NEDD4L: variants seen among roughly 807,000 people sequenced by gnomAD.
The protein encoded by NEDD4L is E3 ubiquitin-protein ligase NEDD4-like.
In NEDD4L, 54 loss-of-function variants were observed where a neutral mutation model predicts 148.9. The ratio of observed to expected loss-of-function variants is 0.36; its 90% CI spans 0.29 to 0.45. NEDD4L has a LOEUF of 0.45. NEDD4L is among the 20% of genes least tolerant of loss of function. The probability of loss-of-function intolerance (pLI) is 1.00; values close to 1 mark genes in which losing one functional copy is unlikely to be tolerated. For missense variants in NEDD4L, 856 were observed against 1,233.8 expected, an observed-to-expected ratio of 0.69 and a Z score of 4.59; for synonymous variants, 433 against 440.7, an observed-to-expected ratio of 0.98 and a Z score of 0.22.
At chr18:58,365,575 C>T (rs1028128668) in intron 20 of NEDD4L, among the ~76,000 whole-genome samples, 3 of 152,196 alleles carry the variant, frequency 2.0e-5, no homozygotes. Flanking sequence ...CACCTGGCGG[C>T]CCTGCCACAG....
intron 16 of NEDD4L, 46 bp from the exon 17 acceptor site, chr18:58,349,491 A>G: frequency 6.6e-7 from 1 of 1,515,408 alleles, no homozygotes; most frequent in Middle Eastern, 1.7e-4. Context: ...AACTGCACAC[A>G]GATACTTCCA....
intron 1 of NEDD4L, among the ~76,000 whole-genome samples, chr18:58,133,511 T>C (rs2146002281): frequency 6.6e-6 from 1 of 152,362 alleles, no homozygotes; most frequent in East Asian, 1.9e-4. Flanking sequence ...AGATAATATG[T>C]TCTTTGCATT....
At chr18:58,152,278 C>G (rs1173607620) in intron 1 of NEDD4L, among the ~76,000 whole-genome samples, 1 of 152,184 alleles carries the variant, frequency 6.6e-6, no homozygotes, top group Non-Finnish European at 1.5e-5. Flanking sequence ...GAGAGCAACA[C>G]TCAGGACCTG....
intron 9 of NEDD4L, among the ~76,000 whole-genome samples, chr18:58,326,977 G>A (rs2059364557): frequency 6.6e-6 from 1 of 152,160 alleles, no homozygotes; most frequent in Admixed American, 6.5e-5. Context: ...GCTTTTTAAT[G>A]TGTTGATTAG....
chr18:58,247,011 C>T (rs1402609181), intron 3 of NEDD4L, among the ~76,000 whole-genome samples: 1 of 151,998 alleles, frequency 6.6e-6, no homozygotes, highest in Non-Finnish European at 1.5e-5. Flanking sequence ...TGCACTCCAG[C>T]CTGGGTGACA....
intron 9 of NEDD4L, among the ~76,000 whole-genome samples, chr18:58,327,544 C>T (rs1009467674): frequency 7.2e-5 from 11 of 152,160 alleles, no homozygotes; most frequent in Admixed American, 2.6e-4. Flanking sequence ...ACCTGAGGAG[C>T]GCCTCCTTCC....
chr18:58,083,469 C>T (rs137898764), intron 1 of NEDD4L, among the ~76,000 whole-genome samples: 6,315 of 152,172 alleles, frequency 0.041, 422 homozygotes, highest in African/African-American at 0.14. Flanking sequence ...GGGTGGATCA[C>T]GAGGTCAGGA....
intron 5 of NEDD4L, among the ~76,000 whole-genome samples, chr18:58,310,245 T>A (rs1039081285): frequency 6.6e-6 from 1 of 152,154 alleles, no homozygotes; most frequent in African/African-American, 2.4e-5. Context: ...GGAGGTCCTG[T>A]TTGTTGTTAT....
At chr18:58,299,902 T>A (rs2056231390) in intron 5 of NEDD4L, among the ~76,000 whole-genome samples, 1 of 152,246 alleles carries the variant, frequency 6.6e-6, no homozygotes, top group Non-Finnish European at 1.5e-5. Flanking sequence ...ATCTGCCAGA[T>A]GTTACAATGA....
intron 1 of NEDD4L, among the ~76,000 whole-genome samples, chr18:58,079,820 T>G (rs912381993): frequency 4.7e-4 from 71 of 152,200 alleles, no homozygotes; most frequent in African/African-American, 1.7e-3. Context: ...AATGTGTCAT[T>G]GGAGAGGGAC....
Position 58,188,597 on chromosome 18 carries a change from G to A in NEDD4L, c.122+22736G>A, listed in dbSNP as rs145661517. Among the ~76,000 whole-genome samples, 560 of 152,290 alleles carry A rather than the reference G, an allele frequency of 3.7e-3. 4 individuals carry two copies. Among genetic ancestry groups the A allele is most frequent in the African/African-American group, 0.013 (532 of 41,554 alleles). On this transcript the variant is annotated intron_variant, in intron 2 of 30. Transcript: ENST00000400345. ...GTGGGGCACGTCCAATTTGAATCTG[G>A]CCCCAGTACACTCTCAAGCCCTGTG...
chr18:58,254,016 A>G (rs1427661779), intron 5 of NEDD4L, among the ~76,000 whole-genome samples: 4 of 148,338 alleles, frequency 2.7e-5, no homozygotes, highest in Admixed American at 1.3e-4. Context: ...TTTGTTGGCT[A>G]TTAACCCAGC....
intron 1 of NEDD4L, among the ~76,000 whole-genome samples, chr18:58,066,757 G>A (rs1303820882): frequency 1.3e-5 from 2 of 152,162 alleles, no homozygotes; most frequent in Non-Finnish European, 1.5e-5. Flanking sequence ...CAGTCATAAG[G>A]GAAGGTGAAG....
At chr18:58,145,201 A>G (rs1214983513) in intron 1 of NEDD4L, among the ~76,000 whole-genome samples, 2 of 152,178 alleles carry the variant, frequency 1.3e-5, no homozygotes, top group Non-Finnish European at 2.9e-5. Context: ...CTGGAAGCCA[A>G]CTGGAAAGGG....
At chr18:58,316,254 C>T (rs1392862397) in intron 6 of NEDD4L, among the ~76,000 whole-genome samples, 2 of 152,136 alleles carry the variant, frequency 1.3e-5, no homozygotes, top group African/African-American at 2.4e-5. Flanking sequence ...CGTGCGCTTG[C>T]GTTCCCATCC....
At chr18:58,334,166 A>G (rs570461786) in intron 12 of NEDD4L, 2 of 374,144 alleles carry the variant, frequency 5.3e-6, no homozygotes, top group Non-Finnish European at 9.5e-6. Flanking sequence ...CTCTTGGTAC[A>G]TTAGTTAGTA....
chr18:58,194,747 G>C (rs2040476101), intron 2 of NEDD4L, among the ~76,000 whole-genome samples: 2 of 152,202 alleles, frequency 1.3e-5, no homozygotes, highest in South Asian at 4.1e-4. Context: ...TTGCTATTGG[G>C]TATGCACTGG....
rs2081480538 is a variant in NEDD4L at position 58,044,430 on chromosome 18, G to T, written c.-231G>T. On this transcript the variant is annotated 5_prime_UTR_variant, in exon 1 of 31. Transcript: ENST00000400345. ...CGCCCGGTGCTCGGCGCGCTCTCGG[G>T]AGCCGCCCGCCCGCTGGTCCCGCAG... 1 of 371,176 alleles carries T rather than the reference G, an allele frequency of 2.7e-6. No homozygotes were observed. Among genetic ancestry groups the T allele is most frequent in the African/African-American group, 2.2e-5 (1 of 46,454 alleles). 23.0% of individuals were successfully genotyped at this position (371,176 alleles called of 1,614,324 possible). A position where few individuals can be genotyped will look rare whatever the true frequency, so the allele number is the denominator to read the frequency against.
intron 19 of NEDD4L, among the ~76,000 whole-genome samples, chr18:58,363,732 A>C (rs2045780230): frequency 6.6e-6 from 1 of 152,188 alleles, no homozygotes; most frequent in African/African-American, 2.4e-5. Context: ...AAACCTTCTG[A>C]CTTCTAAATT....
Sources: gnomAD v4.1 joint callset for allele counts (sites outside exome capture counted in the v4.1 genomes callset) on GRCh38, gnomAD v4.1.1 for gene constraint, MANE v1.5 for transcripts, NCBI Gene and HGNC (gene_info 2026-07-23, HGNC 2026-07-21) for gene names.